DROSHA: variants seen among roughly 807,000 people sequenced by gnomAD.
DROSHA encodes the protein ribonuclease 3.
In DROSHA, 56 loss-of-function variants were observed where a neutral mutation model predicts 181.9. The observed-to-expected ratio is 0.31, with a 90% CI of 0.25 to 0.38. The LOEUF (loss-of-function observed/expected upper bound fraction) is 0.38, where lower values mean the gene tolerates loss of function less well. Among genes scored for constraint, DROSHA ranks in the 10% least tolerant of loss-of-function variants. The pLI is 1.00. For missense variants in DROSHA, 1,218 were observed against 1,743.5 expected (o/e 0.70, Z 5.37); for synonymous variants, 524 against 591.2 (o/e 0.89, Z 1.65).
chr5:31,518,912 G>A (rs1359161906), intron 6 of DROSHA, among the ~76,000 whole-genome samples: 1 of 152,156 alleles, frequency 6.6e-6, no homozygotes, highest in Non-Finnish European at 1.5e-5. Flanking sequence ...TGTAATGAAT[G>A]GTCAGGGTCA....
At chr5:31,405,786 T>G (rs929110914) in intron 34 of DROSHA, 63 bp from the exon 35 acceptor site, 1 of 1,234,114 alleles carries the variant, frequency 8.1e-7, no homozygotes, top group African/African-American at 1.6e-5. Context: ...TTTTTTTTTT[T>G]TTTTTCAAAA....
chr5:31,521,294 T>TA, intron 5 of DROSHA, 79 bp from the exon 6 acceptor site: 2 of 1,479,372 alleles, frequency 1.4e-6, no homozygotes, highest in Non-Finnish European at 1.9e-6. Context: ...ATTCATCTTG[T>TA]AAATAAATGG....
intron 16 of DROSHA, among the ~76,000 whole-genome samples, chr5:31,483,162 CCTA>C (rs1476909726): frequency 6.6e-6 from 1 of 151,988 alleles, no homozygotes; most frequent in African/African-American, 2.4e-5. Flanking sequence ...TCACTATAAT[CCTA>C]CTACCTTAAT....
At chr5:31,426,871 G>C (rs896045047) in intron 27 of DROSHA, among the ~76,000 whole-genome samples, 6 of 152,128 alleles carry the variant, frequency 3.9e-5, no homozygotes, top group Admixed American at 6.5e-5. Flanking sequence ...CAGCCGGTTA[G>C]AGTTCAAGTG....
At chr5:31,408,431 T>A (rs1300703861) in intron 33 of DROSHA, among the ~76,000 whole-genome samples, 2 of 152,228 alleles carry the variant, frequency 1.3e-5, no homozygotes, top group Non-Finnish European at 2.9e-5. Flanking sequence ...CTCAAGATAA[T>A]TACTCTACTT....
chr5:31,431,515 G>T, intron 26 of DROSHA, 61 bp downstream of exon 26: 1 of 1,546,988 alleles, frequency 6.5e-7, no homozygotes, highest in Non-Finnish European at 8.9e-7. Context: ...TAAATTTTAT[G>T]TGCTCTCCAG....
At chr5:31,506,769 T>C (rs1219570061) in intron 10 of DROSHA, among the ~76,000 whole-genome samples, 4 of 151,634 alleles carry the variant, frequency 2.6e-5, no homozygotes, top group Non-Finnish European at 5.9e-5. Context: ...ATGAAAAATA[T>C]AAAAAATTAA....
chr5:31,412,089 C>T (rs897532605), intron 30 of DROSHA, among the ~76,000 whole-genome samples: 3 of 152,184 alleles, frequency 2.0e-5, no homozygotes, highest in African/African-American at 4.8e-5. Flanking sequence ...AATTATGCAA[C>T]GAATCCATTA....
intron 30 of DROSHA, among the ~76,000 whole-genome samples, chr5:31,420,104 T>C (rs1409549438): frequency 6.6e-6 from 1 of 152,210 alleles, no homozygotes; most frequent in Non-Finnish European, 1.5e-5. Context: ...CAAGTCACCA[T>C]ATTCTCTCTA....
At chr5:31,410,669 T>G in intron 31 of DROSHA, 77 bp downstream of exon 31, 5 of 1,500,562 alleles carry the variant, frequency 3.3e-6, no homozygotes, top group East Asian at 2.4e-5. Flanking sequence ...ATAATAATAA[T>G]GAGGAGGAGG....
chr5:31,423,181 TAC>T (rs1742978687), intron 28 of DROSHA: 1 of 315,704 alleles, frequency 3.2e-6, no homozygotes, highest in Non-Finnish European at 5.7e-6. Context: ...CCAAGTACTG[TAC>T]ACAGATAGTT....
At position 31,449,386 on chromosome 5, in the gene DROSHA, A is replaced by G; in HGVS notation, c.2716T>C (p.Phe906Leu). 1 of 1,596,106 alleles carries G rather than the reference A, an allele frequency of 6.3e-7. No homozygotes were observed. The highest frequency in any genetic ancestry group is 8.5e-7 in the Non-Finnish European group (1 of 1,170,514). The change falls in exon 22 of 36, where the codon TTT (phenylalanine) becomes CTT (leucine). Residue 906 changes from phenylalanine to leucine, a missense_variant. Physicochemically the swap from Phe to Leu is conservative, Grantham distance 22 (BLOSUM62 0). Around this residue, in one of 8 missense-constraint regions of DROSHA, gnomAD observed 460 missense variants for 774.2 expected, o/e 0.59. Transcript: ENST00000344624. ...AMTHPSHHLN[F>L]GMNPDHARNS... ...CTGGCATGATCAGGATTCATTCCAAAATTTAAATGATGACTTGGATGAGTC... is the reference window on the plus strand; with the variant it reads ...CTGGCATGATCAGGATTCATTCCAAGATTTAAATGATGACTTGGATGAGTC...
chr5:31,518,168 G>A (rs1419907460), intron 6 of DROSHA, among the ~76,000 whole-genome samples: 1 of 152,068 alleles, frequency 6.6e-6, no homozygotes, highest in Non-Finnish European at 1.5e-5. Flanking sequence ...TGAATGCTGT[G>A]GGCAACTGTA....
rs373409442 is a variant in DROSHA at position 31,526,187 on chromosome 5, C to T, written c.746G>A (p.Arg249Gln). Residue 249 changes from arginine to glutamine, a missense_variant, in exon 5 of 36, where the codon CGG (arginine) becomes CAG (glutamine). By Grantham distance (43) the Arg-to-Gln change is conservative. This residue lies in a region of DROSHA where 536 missense variants were observed against 535.4 expected (regional missense o/e 1.00). Coordinates refer to ENST00000344624, the MANE Select transcript of DROSHA (RefSeq NM_001382508.1). ...GTCGGGACTGCGGCCTCGCTCCCGC[C>T]GATCCAGGGACCGATGCCTCTCACC... ...GRGERHRSLD[R>Q]RERGRSPDRR... The T allele has an allele frequency of 6.7e-5, 108 of 1,613,680 alleles. No homozygotes were observed. The highest frequency in any genetic ancestry group is 8.4e-5 in the Non-Finnish European group (99 of 1,179,884).
At chr5:31,507,715 C>T (rs575954633) in intron 10 of DROSHA, among the ~76,000 whole-genome samples, 1 of 152,204 alleles carries the variant, frequency 6.6e-6, no homozygotes, top group South Asian at 2.1e-4. Context: ...AGTTGTGCAA[C>T]CCCATGAATA....
chr5:31,455,203 T>C (rs16901192), intron 20 of DROSHA, among the ~76,000 whole-genome samples: 2,841 of 151,400 alleles, frequency 0.019, 124 homozygotes, highest in East Asian at 0.17. Context: ...TTTTGAAAAA[T>C]AGAAATGAAG....
At chr5:31,489,805 G>T (rs1212799707) in intron 13 of DROSHA, among the ~76,000 whole-genome samples, 1 of 152,216 alleles carries the variant, frequency 6.6e-6, no homozygotes, top group South Asian at 2.1e-4. Context: ...GGAGGGAAAT[G>T]ATCCAGGGGT....
At chr5:31,476,364 C>CAAAG (rs147996977) in intron 16 of DROSHA, among the ~76,000 whole-genome samples, 6 of 151,892 alleles carry the variant, frequency 4.0e-5, no homozygotes, top group African/African-American at 7.2e-5. Flanking sequence ...GACTCTCTAT[C>CAAAG]AAAGAAAGAA....
intron 26 of DROSHA, 49 bp downstream of exon 26, chr5:31,431,527 C>G (rs753803830): frequency 6.9e-6 from 11 of 1,585,892 alleles, no homozygotes; most frequent in Non-Finnish European, 9.5e-6. Context: ...GCTCTCCAGA[C>G]TGTTTAGACA....
Sources: allele counts gnomAD v4.1 joint callset (sites outside exome capture counted in the v4.1 genomes callset), GRCh38; gene constraint gnomAD v4.1.1; regional missense constraint gnomAD v4.1.1; transcripts MANE v1.5; gene names NCBI Gene and HGNC (gene_info 2026-07-23, HGNC 2026-07-21).